The following NRG1 variants were observed in gnomAD, a reference collection of about 807,000 sequenced individuals.
NRG1 encodes the protein pro-neuregulin-1, membrane-bound isoform.
Under a neutral mutation model 63.8 loss-of-function variants are expected in NRG1, and 18 were observed. That is an observed-to-expected ratio of 0.28 (90% CI 0.19 to 0.42). NRG1 has a LOEUF of 0.42. NRG1 is among the 10% of genes least tolerant of loss of function. NRG1 has a pLI of 1.00. For synonymous variants in NRG1, 302 were observed against 301.3 expected, an observed-to-expected ratio of 1.00 and a Z score of -0.02; for missense variants, 762 against 814.7, an observed-to-expected ratio of 0.94 and a Z score of 0.79.
At chr8:31,809,118 T>A (rs1195760972) in intron 1 of NRG1, among the ~76,000 whole-genome samples, 1 of 151,968 alleles carries the variant, frequency 6.6e-6, no homozygotes, top group East Asian at 1.9e-4. Flanking sequence ...AAATGGGATA[T>A]CTATACCAAT....
chr8:31,819,528 C>T (rs140979600), intron 1 of NRG1, among the ~76,000 whole-genome samples: 1 of 152,290 alleles, frequency 6.6e-6, no homozygotes, highest in East Asian at 1.9e-4. Flanking sequence ...ATAAAATAAC[C>T]TCTTTTCCCA....
chr8:32,703,349 T>C (rs375900698), intron 5 of NRG1, among the ~76,000 whole-genome samples: 1 of 152,072 alleles, frequency 6.6e-6, no homozygotes, highest in African/African-American at 2.4e-5. Flanking sequence ...TCTGTTTGAT[T>C]TCCCAAATGA....
chr8:32,043,607 G>A (rs1428851112), intron 1 of NRG1, among the ~76,000 whole-genome samples: 1 of 151,750 alleles, frequency 6.6e-6, no homozygotes, highest in Admixed American at 6.6e-5. Context: ...GACATTGGCT[G>A]ATACAGTTTT....
intron 1 of NRG1, among the ~76,000 whole-genome samples, chr8:32,079,148 T>TACACACACACACAC (rs143380574): frequency 6.1e-4 from 89 of 145,758 alleles, no homozygotes; most frequent in Non-Finnish European, 1.1e-3. Context: ...TAGAATGAAA[T>TACACACACACACAC]ACACACACAC....
At chr8:32,513,702 C>A (rs1829493529) in intron 1 of NRG1, among the ~76,000 whole-genome samples, 1 of 152,058 alleles carries the variant, frequency 6.6e-6, no homozygotes, top group Non-Finnish European at 1.5e-5. Context: ...TTTCCAACAG[C>A]ATTTTTATAT....
chr8:32,595,841 A>G (rs773601187), exon 2 of NRG1: 38 of 1,609,958 alleles, frequency 2.4e-5, no homozygotes, highest in African/African-American at 1.9e-4. Context: ...TGCCTCCCCG[A>G]TTGAAAGAGA....
chr8:32,134,944 A>G (rs1287338102), intron 1 of NRG1, among the ~76,000 whole-genome samples: 2 of 152,176 alleles, frequency 1.3e-5, no homozygotes, highest in Non-Finnish European at 2.9e-5. Flanking sequence ...TAGCTATTTT[A>G]GATCAGGTAT....
intron 1 of NRG1, among the ~76,000 whole-genome samples, chr8:31,798,261 G>A (rs115699623): frequency 2.1e-4 from 32 of 152,126 alleles, no homozygotes; most frequent in Non-Finnish European, 4.3e-4. Flanking sequence ...TGATAGATAC[G>A]GTGATTACCC....
intron 1 of NRG1, among the ~76,000 whole-genome samples, chr8:31,970,138 G>C (rs1807037041): frequency 6.6e-6 from 1 of 152,020 alleles, no homozygotes; most frequent in Admixed American, 6.6e-5. Context: ...CACTATTTTA[G>C]TACCCTGGCT....
At chr8:31,734,510 C>T (rs949892379) in intron 1 of NRG1, among the ~76,000 whole-genome samples, 15 of 152,108 alleles carry the variant, frequency 9.9e-5, no homozygotes, top group South Asian at 8.3e-4. Flanking sequence ...GATTTGATTA[C>T]TAGAATTAGA....
intron 1 of NRG1, among the ~76,000 whole-genome samples, chr8:32,249,303 T>C (rs1213160311): frequency 1.3e-5 from 2 of 152,084 alleles, no homozygotes; most frequent in Admixed American, 6.6e-5. Flanking sequence ...CAATGAGTGG[T>C]GACTTCCTTT....
chr8:31,925,138 G>C (rs371522349), intron 1 of NRG1, among the ~76,000 whole-genome samples: 1 of 4,144 alleles, frequency 2.4e-4, no homozygotes, highest in East Asian at 5.2e-4. Flanking sequence ...ATATATGTGT[G>C]TGTGTGTGTA....
chr8:32,687,601 G>A (rs1027420135), intron 5 of NRG1, among the ~76,000 whole-genome samples: 1 of 152,174 alleles, frequency 6.6e-6, no homozygotes, highest in African/African-American at 2.4e-5. Context: ...GGACCCTCTA[G>A]TTGCCTGGGG....
At chr8:31,796,414 CTTTTTTTTTTTTTTTTTTTTTTT>C (rs1158508289) in intron 1 of NRG1, among the ~76,000 whole-genome samples, 1,283 of 43,414 alleles carry the variant, frequency 0.03, 66 homozygotes, top group African/African-American at 0.11. Flanking sequence ...GGCGTATAAT[CTTTTTTTTTTTTTTTTTTTTTTT>C]TTTTTTTTTT....
intron 1 of NRG1, among the ~76,000 whole-genome samples, chr8:32,049,078 A>C (rs1284654131): frequency 2.6e-5 from 4 of 152,038 alleles, no homozygotes; most frequent in African/African-American, 7.2e-5. Context: ...TTGAGATGAG[A>C]AGGAGCTTCT....
At chr8:32,222,594 CAT>C (rs1845934326) in intron 1 of NRG1, among the ~76,000 whole-genome samples, 1 of 152,194 alleles carries the variant, frequency 6.6e-6, no homozygotes, top group Middle Eastern at 3.2e-3. Context: ...TCTTCAAAGA[CAT>C]TCAGTCAGCC....
rs10105155 is a variant in NRG1, at chr8:32,742,333, C to T, written c.633-342C>T. Reference sequence around the variant, plus strand: ...TATTGCAGGCAAGCCAACCGAGAAACATTTTCTTCCAACGTGTGTGACCAA... The same window carrying T: ...TATTGCAGGCAAGCCAACCGAGAAATATTTTCTTCCAACGTGTGTGACCAA... On this transcript the variant is annotated intron_variant, in intron 6 of 11. Coordinates refer to ENST00000356819, the Ensembl canonical transcript of NRG1. This position sits in a 1 kb window ranked among gnomAD's most constrained non-coding sequence, Gnocchi z 4.2. 0.13 allele frequency among the ~76,000 whole-genome samples: 19,066 copies of T among 152,026 alleles called. 1,529 individuals are homozygous for T. The highest frequency in any genetic ancestry group is 0.36 in the East Asian group (1,865 of 5,142).
At chr8:32,048,911 A>G (rs1425399823) in intron 1 of NRG1, among the ~76,000 whole-genome samples, 1 of 152,000 alleles carries the variant, frequency 6.6e-6, no homozygotes, top group Non-Finnish European at 1.5e-5. Context: ...CCCATAGGAT[A>G]GATTTTTAAC....
chr8:32,467,038 T>C (rs2129489912), intron 1 of NRG1, among the ~76,000 whole-genome samples: 1 of 152,198 alleles, frequency 6.6e-6, no homozygotes, highest in South Asian at 2.1e-4. Context: ...TAGCTTAGCT[T>C]TACAATCCTC....
Sources: allele counts gnomAD v4.1 joint callset (sites outside exome capture counted in the v4.1 genomes callset), GRCh38; gene constraint gnomAD v4.1.1; non-coding constraint Gnocchi (gnomAD v3.1); transcripts MANE v1.5; gene names NCBI Gene and HGNC (gene_info 2026-07-23, HGNC 2026-07-21).